Variants in PITPNA observed in about 807,000 individuals in gnomAD.
The protein encoded by PITPNA is phosphatidylinositol transfer protein alpha isoform.
In PITPNA, 13 loss-of-function variants were observed where a neutral mutation model predicts 50.3. The ratio of observed to expected loss-of-function variants is 0.26; its 90% CI spans 0.17 to 0.41. The LOEUF is 0.41. PITPNA is among the 10% of genes least tolerant of loss of function. The pLI is 1.00. For missense variants in PITPNA, 207 were observed against 333.4 expected (o/e 0.62, Z 2.95); for synonymous variants, 120 against 119.6 (o/e 1.00, Z -0.02).
chr17:1,532,911 A>G (rs1419678371), intron 10 of PITPNA, among the ~76,000 whole-genome samples: 1 of 152,234 alleles, frequency 6.6e-6, no homozygotes, highest in Non-Finnish European at 1.5e-5. Context: ...CAGCCCAGGA[A>G]AAGTGTCATT....
chr17:1,525,339 C>T (rs370563272), intron 10 of PITPNA, among the ~76,000 whole-genome samples: 22 of 151,920 alleles, frequency 1.4e-4, no homozygotes, highest in Non-Finnish European at 2.8e-4. Context: ...TTTATTCTTT[C>T]GTTCCAGACA....
In PITPNA at chr17:1,562,357, T is replaced by TGGGCG. The variant is rs2075772879; in HGVS notation, c.20+183_20+184insCGCCC. Among the ~76,000 whole-genome samples, 1 of 137,242 alleles carries TGGGCG rather than the reference T, an allele frequency of 7.3e-6. No homozygotes were observed. Among genetic ancestry groups the TGGGCG allele is most frequent in the African/African-American group, 2.7e-5 (1 of 36,382 alleles). The allele number at this position is 137,242 out of a possible 152,430, so 90.0% of individuals were successfully genotyped here. A position where few individuals can be genotyped will look rare whatever the true frequency, so the allele number is the denominator to read the frequency against. ...GCCCCGGCCGCCCCTCCGTGCCCCGTGGGCCCCGCCTCACGTGCCGCCCGC... is the reference window on the plus strand; with the variant it reads ...GCCCCGGCCGCCCCTCCGTGCCCCGTGGGCGGGGCCCCGCCTCACGTGCCGCCCGC... On this transcript the variant is annotated intron_variant, in intron 1 of 11. Coordinates refer to ENST00000313486, the MANE Select transcript of PITPNA (RefSeq NM_006224.4). The surrounding 1 kb of genome is among the most constrained non-coding windows in gnomAD (Gnocchi z 6.4).
intron 6 of PITPNA, among the ~76,000 whole-genome samples, chr17:1,540,860 C>T (rs1018788369): frequency 6.6e-6 from 1 of 152,212 alleles, no homozygotes; most frequent in African/African-American, 2.4e-5. Flanking sequence ...GCTGGGATTA[C>T]AGGCGTGAGC....
chr17:1,539,775 C>T (rs1277155363), intron 6 of PITPNA, among the ~76,000 whole-genome samples: 3 of 152,248 alleles, frequency 2.0e-5, no homozygotes, highest in Non-Finnish European at 4.4e-5. Context: ...CTTGCTGCGA[C>T]GCCCAGGCTG....
chr17:1,535,558 A>G (rs374730995), intron 7 of PITPNA, 40 bp from the exon 8 acceptor site: 1 of 1,213,404 alleles, frequency 8.2e-7, no homozygotes. Context: ...GGGGAGTGGG[A>G]GAGGGAGTGA....
At chr17:1,528,698 C>A (rs1202372708) in intron 10 of PITPNA, among the ~76,000 whole-genome samples, 5 of 151,180 alleles carry the variant, frequency 3.3e-5, no homozygotes, top group Non-Finnish European at 7.4e-5. Flanking sequence ...GATCACAGCA[C>A]TGCACTCTAG....
rs375347884 is a variant in PITPNA at position 1,554,173 on chromosome 17, A to G, written c.52-1024T>C. On this transcript the variant is annotated intron_variant, in intron 2 of 11. Coordinates refer to ENST00000313486, the MANE Select transcript of PITPNA (RefSeq NM_006224.4). ...AAAACAAGGTGAAAAGAAAATGAAC[A>G]GCAACATTTGAGGCAGGAAATTATG... 6.6e-5 allele frequency among the ~76,000 whole-genome samples: 10 copies of G among 152,300 alleles called. No homozygotes were observed. The South Asian group carries it at 1.0e-3, about 16-fold the overall frequency.
intron 9 of PITPNA, 24 bp from the exon 10 acceptor site, chr17:1,534,245 T>G: frequency 6.2e-7 from 1 of 1,613,298 alleles, no homozygotes; most frequent in Non-Finnish European, 8.5e-7. Flanking sequence ...GGAACCACGT[T>G]AGAACGCAGA....
At chr17:1,529,296 G>T (rs1334746343) in intron 10 of PITPNA, among the ~76,000 whole-genome samples, 1 of 152,062 alleles carries the variant, frequency 6.6e-6, no homozygotes, top group Non-Finnish European at 1.5e-5. Context: ...GCCGAGGCAG[G>T]TGCATTGCCT....
chr17:1,539,247 T>A (rs1170245805), intron 6 of PITPNA, among the ~76,000 whole-genome samples: 2 of 151,520 alleles, frequency 1.3e-5, no homozygotes, highest in East Asian at 3.9e-4. Context: ...AGGCTCCTAG[T>A]GATCCTCCTG....
chr17:1,534,328 C>T (rs1161485472), intron 9 of PITPNA, 107 bp from the exon 10 acceptor site: 16 of 1,397,192 alleles, frequency 1.1e-5, no homozygotes, highest in African/African-American at 2.8e-5. Context: ...TGGGGACGGG[C>T]GGACAGGAGG....
intron 2 of PITPNA, among the ~76,000 whole-genome samples, chr17:1,557,313 C>T (rs1432886593): frequency 6.6e-6 from 1 of 152,242 alleles, no homozygotes; most frequent in Admixed American, 6.5e-5. Context: ...TCTGTCTCAA[C>T]TAAATGTGCT....
chr17:1,536,744 C>A (rs549806411), intron 7 of PITPNA, among the ~76,000 whole-genome samples: 4 of 151,276 alleles, frequency 2.6e-5, no homozygotes, highest in Non-Finnish European at 5.9e-5. Context: ...CAGGCGCCTG[C>A]GACCACGCCA....
At chr17:1,539,926 AG>A (rs2075639919) in intron 6 of PITPNA, among the ~76,000 whole-genome samples, 1 of 152,216 alleles carries the variant, frequency 6.6e-6, no homozygotes, top group African/African-American at 2.4e-5. Flanking sequence ...TAGTAGAAAC[AG>A]GGTTTCACCA....
At chr17:1,536,894 ATTTTTTT>A (rs35841957) in intron 7 of PITPNA, among the ~76,000 whole-genome samples, 4 of 98,306 alleles carry the variant, frequency 4.1e-5, no homozygotes, top group African/African-American at 8.0e-5. Context: ...TGTCCGGCCG[ATTTTTTT>A]TTTTTTTTTT....
intron 2 of PITPNA, among the ~76,000 whole-genome samples, chr17:1,558,186 G>A (rs1173460216): frequency 1.5e-5 from 2 of 137,644 alleles, no homozygotes; most frequent in African/African-American, 5.5e-5. Flanking sequence ...AGCGGAGATC[G>A]CACCACTGCA....
rs977283554 is a variant in PITPNA, at chr17:1,562,427, C to T, written c.20+114G>A. On this transcript the variant is annotated intron_variant, in intron 1 of 11. Transcript: ENST00000313486. The surrounding 1 kb of genome is among the most constrained non-coding windows in gnomAD (Gnocchi z 6.4). The stretch of plus-strand genomic sequence containing the variant: ...CGCTGGGCCCGCCTCAGGCACCCTC[C>T]GTCCCTGCTGCCCCTCCGTCCATCC... 4 of 863,778 alleles carry T rather than the reference C, an allele frequency of 4.6e-6. No homozygotes were observed. Among genetic ancestry groups the T allele is most frequent in the Non-Finnish European group, 6.5e-6 (4 of 615,276 alleles). The allele number at this position is 863,778 out of a possible 1,614,324, so 53.5% of individuals were successfully genotyped here. A position where few individuals can be genotyped will look rare whatever the true frequency, so the allele number is the denominator to read the frequency against.
Position 1,543,037 on chromosome 17 carries a change from G to A in PITPNA, c.290-10C>T, listed in dbSNP as rs1396833514. On this transcript the variant is annotated splice_polypyrimidine_tract_variant and intron_variant, in intron 4 of 11. Transcript: ENST00000313486. ...ATACTTACTGTAATAACTGCTCCGA[G>A]GCAAGGACATGGAAAGAAGAGAGAA... 6.3e-7 allele frequency: 1 copy of A among 1,582,550 alleles called. No individual in the cohort carries two copies. Among genetic ancestry groups the A allele is most frequent in the Middle Eastern group, 1.7e-4 (1 of 6,038 alleles).
rs542216017 is a variant in PITPNA at position 1,535,119 on chromosome 17, C to T, written c.645+63G>A. On this transcript the variant is annotated intron_variant, in intron 9 of 11. Coordinates refer to ENST00000313486, the MANE Select transcript of PITPNA (RefSeq NM_006224.4). ...AGCTACTCACCTTATGGATGAAGTTCTCCACCACCCCCCCACAACACACAC... is the reference window on the plus strand; with the variant it reads ...AGCTACTCACCTTATGGATGAAGTTTTCCACCACCCCCCCACAACACACAC... 49 of 1,030,470 alleles carry T rather than the reference C, an allele frequency of 4.8e-5. No individual in the cohort carries two copies. In the South Asian group the frequency reaches 5.8e-4, roughly 12 times the overall value. 63.8% of individuals were successfully genotyped at this position (1,030,470 alleles called of 1,614,324 possible).
Sources: allele counts gnomAD v4.1 joint callset (sites outside exome capture counted in the v4.1 genomes callset), GRCh38; gene constraint gnomAD v4.1.1; non-coding constraint Gnocchi (gnomAD v3.1); transcripts MANE v1.5; gene names NCBI Gene and HGNC (gene_info 2026-07-23, HGNC 2026-07-21).